GOLM2: variants seen among roughly 807,000 people sequenced by gnomAD.
GOLM2 encodes golgi membrane protein 2, also known as protein GOLM2.
GOLM2 carries 26 observed loss-of-function variants against 55.9 expected under a neutral mutation model. The ratio of observed to expected loss-of-function variants is 0.47; its 90% CI spans 0.34 to 0.65. GOLM2 has a LOEUF of 0.65. Among genes scored for constraint, GOLM2 ranks in the 30% least tolerant of loss-of-function variants. The probability of loss-of-function intolerance (pLI) is 0.01; values close to 1 mark genes in which losing one functional copy is unlikely to be tolerated. For synonymous variants in GOLM2, 165 were observed against 194.6 expected (o/e 0.85, Z 1.27); for missense variants, 486 against 531.8 (o/e 0.91, Z 0.85).
chr15:44,395,524 T>C (rs2079519851), intron 8 of GOLM2, among the ~76,000 whole-genome samples: 1 of 151,882 alleles, frequency 6.6e-6, no homozygotes, highest in African/African-American at 2.4e-5. Flanking sequence ...AACGTGTTTC[T>C]ATTTTATTTT....
At chr15:44,404,266 A>C (rs1458600092) in intron 9 of GOLM2, among the ~76,000 whole-genome samples, 1 of 152,180 alleles carries the variant, frequency 6.6e-6, no homozygotes, top group Non-Finnish European at 1.5e-5. Context: ...CATGACAAGC[A>C]TTGTTTTTAT....
chr15:44,309,263 G>A (rs2078858121), intron 1 of GOLM2, among the ~76,000 whole-genome samples: 1 of 152,120 alleles, frequency 6.6e-6, no homozygotes, highest in Non-Finnish European at 1.5e-5. Context: ...ATTATGATCT[G>A]GCAATCCCAC....
In GOLM2 at chr15:44,317,790, T is replaced by A. The variant is rs181743111; in HGVS notation, c.328-5175T>A. On this transcript the variant is annotated intron_variant, in intron 1 of 9. Transcript: ENST00000299957. ...AAAATCATTTCCCCAATTCTCTCCC[T>A]GACCCCAAGTCTGTTCCTCTTCCTG... Among the ~76,000 whole-genome samples, 246 of 152,294 alleles carry A rather than the reference T, an allele frequency of 1.6e-3. 5 individuals are homozygous for A. Among genetic ancestry groups the A allele is most frequent in the Admixed American group, 0.016 (242 of 15,298 alleles).
chr15:44,364,643 C>G (rs1475200432), intron 6 of GOLM2, among the ~76,000 whole-genome samples: 1 of 151,378 alleles, frequency 6.6e-6, no homozygotes, highest in Non-Finnish European at 1.5e-5. Context: ...TGCAGTGAGC[C>G]ATGATTACAC....
rs1051742476 is a variant in GOLM2 at position 44,363,438 on chromosome 15, G to A, written c.803-16252G>A. 1.7e-3 allele frequency among the ~76,000 whole-genome samples: 257 copies of A among 152,228 alleles called. 2 individuals carry two copies. Among genetic ancestry groups the A allele is most frequent in the African/African-American group, 6.0e-3 (249 of 41,512 alleles). On this transcript the variant is annotated intron_variant, in intron 6 of 9. Transcript: ENST00000299957. ...CATTTATGCAGCCAAAAAACACATG[G>A]AAAAATGCTCACCATCACTGGCCAT...
chr15:44,347,803 C>T (rs1211097070), intron 6 of GOLM2, among the ~76,000 whole-genome samples: 2 of 152,148 alleles, frequency 1.3e-5, no homozygotes, highest in African/African-American at 4.8e-5. Flanking sequence ...GAGACCCCTT[C>T]CTTCTGTTTG....
Position 44,413,470 on chromosome 15 carries a change from T to C in GOLM2, c.*64T>C. On this transcript the variant is annotated 3_prime_UTR_variant, in exon 10 of 10. Coordinates refer to ENST00000299957, the MANE Select transcript of GOLM2 (RefSeq NM_138423.4). ...AAATGAAATCATTCTACTTTGTCCTTTCTGACTTTTGTTGTAAAGACGAAT... is the reference window on the plus strand; with the variant it reads ...AAATGAAATCATTCTACTTTGTCCTCTCTGACTTTTGTTGTAAAGACGAAT... The C allele has an allele frequency of 8.1e-7, 1 of 1,239,770 alleles. No homozygotes were observed. The highest frequency in any genetic ancestry group is 1.2e-6 in the Non-Finnish European group (1 of 858,214). 76.8% of individuals were successfully genotyped at this position (1,239,770 alleles called of 1,614,324 possible).
At chr15:44,410,765 T>C (rs1036976795) in intron 9 of GOLM2, among the ~76,000 whole-genome samples, 1 of 150,178 alleles carries the variant, frequency 6.7e-6, no homozygotes, top group African/African-American at 2.4e-5. Context: ...TAGCTGGGCA[T>C]GTGGTGTGTG....
intron 1 of GOLM2, among the ~76,000 whole-genome samples, chr15:44,310,163 C>A (rs1018486039): frequency 1.3e-5 from 2 of 152,028 alleles, no homozygotes; most frequent in Non-Finnish European, 2.9e-5. Context: ...GGATTACGGG[C>A]GTGAGCTGCT....
intron 2 of GOLM2, among the ~76,000 whole-genome samples, chr15:44,325,041 T>C (rs1372443978): frequency 6.6e-6 from 1 of 152,156 alleles, no homozygotes; most frequent in African/African-American, 2.4e-5. Context: ...TTTATTTAAG[T>C]TCAGGGGTAC....
chr15:44,369,068 TATATA>T (rs2079307412), intron 6 of GOLM2, among the ~76,000 whole-genome samples: 40 of 5,832 alleles, frequency 6.9e-3, no homozygotes, highest in African/African-American at 0.017. Context: ...TAGGATATAT[TATATA>T]TATATATATA....
chr15:44,303,133 TAA>T (rs2078811205), intron 1 of GOLM2, among the ~76,000 whole-genome samples: 5 of 151,182 alleles, frequency 3.3e-5, no homozygotes, highest in African/African-American at 1.2e-4. Context: ...AATAAATAAA[TAA>T]ATAAATAGTC....
intron 1 of GOLM2, among the ~76,000 whole-genome samples, chr15:44,298,920 A>G (rs551078231): frequency 5.9e-4 from 90 of 152,162 alleles, no homozygotes; most frequent in Non-Finnish European, 1.2e-3. Context: ...TATAACTGGT[A>G]TCCTTATAAG....
chr15:44,292,817 G>T (rs2078730572), intron 1 of GOLM2, among the ~76,000 whole-genome samples: 1 of 151,880 alleles, frequency 6.6e-6, no homozygotes, highest in African/African-American at 2.4e-5. Context: ...TATTGTTATT[G>T]TTGTTTGTTT....
At chr15:44,368,169 G>A (rs983517765) in intron 6 of GOLM2, among the ~76,000 whole-genome samples, 13 of 151,272 alleles carry the variant, frequency 8.6e-5, no homozygotes, top group South Asian at 4.2e-4. Flanking sequence ...ATGGAGTCTC[G>A]CTTTGTCACC....
At chr15:44,327,860 T>C (rs1567026374) in intron 2 of GOLM2, among the ~76,000 whole-genome samples, 1 of 152,208 alleles carries the variant, frequency 6.6e-6, no homozygotes, top group Admixed American at 6.5e-5. Context: ...ACTAAAAAAA[T>C]TCAGTCCTAG....
Position 44,413,491 on chromosome 15 carries a change from C to A in GOLM2, c.*85C>A. The stretch of plus-strand genomic sequence containing the variant: ...TCCTTTCTGACTTTTGTTGTAAAGA[C>A]GAATTGTATCAGTTGTAAAGATACA... On this transcript the variant is annotated 3_prime_UTR_variant, in exon 10 of 10. Transcript: ENST00000299957. 2 of 971,100 alleles carry A rather than the reference C, an allele frequency of 2.1e-6. No homozygotes were observed. The highest frequency in any genetic ancestry group is 3.2e-6 in the Non-Finnish European group (2 of 622,106). The allele number at this position is 971,100 out of a possible 1,614,324, so 60.2% of individuals were successfully genotyped here. A position where few individuals can be genotyped will look rare whatever the true frequency, so the allele number is the denominator to read the frequency against.
chr15:44,390,752 A>C (rs2079482212), intron 8 of GOLM2, among the ~76,000 whole-genome samples: 1 of 151,900 alleles, frequency 6.6e-6, no homozygotes, highest in Admixed American at 6.6e-5. Context: ...TATTTTTAGT[A>C]GAGACGGGGT....
intron 9 of GOLM2, among the ~76,000 whole-genome samples, chr15:44,410,501 A>G (rs2079631178): frequency 6.6e-6 from 1 of 152,168 alleles, no homozygotes; most frequent in Non-Finnish European, 1.5e-5. Flanking sequence ...ATAAAGTAAA[A>G]GTGTGAAATG....
Sources: allele counts gnomAD v4.1 joint callset (sites outside exome capture counted in the v4.1 genomes callset), GRCh38; gene constraint gnomAD v4.1.1; transcripts MANE v1.5; gene names NCBI Gene and HGNC (gene_info 2026-07-23, HGNC 2026-07-21).